PEX5L: variants seen among roughly 807,000 people sequenced by gnomAD.
PEX5L encodes peroxisomal biogenesis factor 5 like, also known as PEX5-related protein.
Under a neutral mutation model 84.0 loss-of-function variants are expected in PEX5L, and 30 were observed. That is an observed-to-expected ratio of 0.36 (90% CI 0.27 to 0.48). The LOEUF is 0.48. Ranked by LOEUF, PEX5L falls within the 20% of genes least tolerant of loss-of-function variation. PEX5L has a pLI of 0.99. For missense variants in PEX5L, 533 were observed against 754.6 expected (o/e 0.71, Z 3.44); for synonymous variants, 270 against 283.1 (o/e 0.95, Z 0.46).
chr3:179,951,986 T>C (rs2109973080), intron 2 of PEX5L, among the ~76,000 whole-genome samples: 1 of 152,388 alleles, frequency 6.6e-6, no homozygotes, highest in African/African-American at 2.4e-5. Flanking sequence ...TTATCAATGA[T>C]AAATTTGTGA....
chr3:179,989,804 G>A (rs1787215336), intron 1 of PEX5L, among the ~76,000 whole-genome samples: 1 of 152,126 alleles, frequency 6.6e-6, no homozygotes, highest in Non-Finnish European at 1.5e-5. Flanking sequence ...ATCAAGTTTG[G>A]CTGTTTCCAC....
chr3:179,913,829 T>C (rs1276247234), intron 2 of PEX5L, among the ~76,000 whole-genome samples: 1 of 152,190 alleles, frequency 6.6e-6, no homozygotes. Flanking sequence ...GACTCTTAAT[T>C]AGTACCATAG....
intron 2 of PEX5L, among the ~76,000 whole-genome samples, chr3:179,930,136 T>A (rs1393030305): frequency 6.6e-6 from 1 of 152,036 alleles, no homozygotes; most frequent in Admixed American, 6.6e-5. Flanking sequence ...GATGTGGGAG[T>A]CTAGCAATAT....
intron 1 of PEX5L, among the ~76,000 whole-genome samples, chr3:180,001,372 T>G (rs2110422829): frequency 6.7e-6 from 1 of 148,222 alleles, no homozygotes; most frequent in Non-Finnish European, 1.5e-5. Context: ...ATATAGAAGA[T>G]ATATATATAT....
chr3:179,971,472 G>A (rs1186754688), intron 2 of PEX5L, 122 bp downstream of exon 2: 3 of 1,289,876 alleles, frequency 2.3e-6, no homozygotes, highest in East Asian at 3.1e-5. Flanking sequence ...TCAAAATCTT[G>A]TTATGCAGGC....
chr3:179,990,682 C>A (rs771199405), intron 1 of PEX5L, among the ~76,000 whole-genome samples: 6 of 152,148 alleles, frequency 3.9e-5, no homozygotes, highest in Non-Finnish European at 8.8e-5. Flanking sequence ...GAGTTGCAGA[C>A]ATGAAACACT....
At chr3:179,842,589 C>T (rs1330840146) in intron 8 of PEX5L, among the ~76,000 whole-genome samples, 4 of 151,614 alleles carry the variant, frequency 2.6e-5, no homozygotes, top group African/African-American at 9.7e-5. Context: ...GAGCATCTAC[C>T]CAGAATATGC....
intron 1 of PEX5L, among the ~76,000 whole-genome samples, chr3:179,988,364 G>A (rs563277296): frequency 7.7e-4 from 117 of 151,142 alleles, no homozygotes; most frequent in Admixed American, 1.3e-3. Context: ...TCATGCCACT[G>A]GGCGACAGAG....
intron 2 of PEX5L, chr3:179,900,847 G>A (rs1488028667): frequency 8.7e-6 from 6 of 685,792 alleles, no homozygotes; most frequent in South Asian, 5.1e-5. Context: ...TTACAAGTGC[G>A]GTACAGTCTG....
chr3:179,827,553 A>G (rs1730999356), intron 8 of PEX5L, among the ~76,000 whole-genome samples: 1 of 152,150 alleles, frequency 6.6e-6, no homozygotes, highest in African/African-American at 2.4e-5. Context: ...GTTTTGGGCA[A>G]AACAAATATT....
intron 1 of PEX5L, among the ~76,000 whole-genome samples, chr3:180,001,000 G>T (rs761593098): frequency 1.3e-5 from 2 of 152,144 alleles, no homozygotes; most frequent in Non-Finnish European, 2.9e-5. Flanking sequence ...GTGTCTATGA[G>T]GGTGTTGCCA....
intron 2 of PEX5L, among the ~76,000 whole-genome samples, chr3:179,952,167 T>G (rs1262824533): frequency 6.6e-6 from 1 of 152,232 alleles, no homozygotes; most frequent in African/African-American, 2.4e-5. Context: ...AAAGGTAGCC[T>G]TGTTTAGCTG....
intron 8 of PEX5L, among the ~76,000 whole-genome samples, chr3:179,843,279 T>C (rs898217435): frequency 6.6e-6 from 1 of 152,176 alleles, no homozygotes; most frequent in Non-Finnish European, 1.5e-5. Flanking sequence ...GAAGATCTTT[T>C]CAGAATTCCA....
At chr3:180,034,107 T>G (rs892405521) in intron 1 of PEX5L, among the ~76,000 whole-genome samples, 2 of 152,252 alleles carry the variant, frequency 1.3e-5, no homozygotes, top group East Asian at 3.8e-4. Context: ...TAAATTAGAC[T>G]ATTTTTAAGT....
intron 7 of PEX5L, among the ~76,000 whole-genome samples, chr3:179,859,445 G>A (rs567188806): frequency 7.2e-5 from 11 of 152,236 alleles, no homozygotes; most frequent in East Asian, 3.9e-4. Context: ...AATTGGTCTC[G>A]ATTCCAGGCC....
chr3:179,968,869 T>C (rs1364109976), intron 2 of PEX5L, among the ~76,000 whole-genome samples: 1 of 152,118 alleles, frequency 6.6e-6, no homozygotes. Context: ...CACAACATTG[T>C]CTTTAAAGAA....
At position 179,955,045 on chromosome 3, in the gene PEX5L, C is replaced by G. The variant is rs192331029; in HGVS notation, c.93+16549G>C. Among the ~76,000 whole-genome samples, 313 of 152,156 alleles carry G rather than the reference C, an allele frequency of 2.1e-3. 2 individuals are homozygous for G. Among genetic ancestry groups the G allele is most frequent in the African/African-American group, 7.3e-3 (302 of 41,522 alleles). On this transcript the variant is annotated intron_variant, in intron 2 of 14. Transcript: ENST00000467460. ...TTCACCAAAATTTCTCTTCACTCCC[C>G]CTTTCCCTAACTCCTGTCCTATAAT...
chr3:179,856,767 C>T (rs563576034), intron 8 of PEX5L, among the ~76,000 whole-genome samples: 3 of 152,322 alleles, frequency 2.0e-5, no homozygotes, highest in African/African-American at 4.8e-5. Context: ...GGGAGGCTTC[C>T]CAGTACCAGG....
In PEX5L at chr3:179,896,936, C is replaced by CA. The variant is rs1759517326; in HGVS notation, c.198+1205dup. 2.0e-5 allele frequency among the ~76,000 whole-genome samples: 3 copies of CA among 151,912 alleles called. No homozygotes were observed. The South Asian group carries it at 6.2e-4, about 32-fold the overall frequency. On this transcript the variant is annotated intron_variant, in intron 3 of 14. Transcript: ENST00000467460. Reference sequence around the variant, plus strand: ...AAGCAAATTTCTTTCCAATGATTACCATGTGTTATTAGGAAGTAGCATCTC... The same window carrying CA: ...AAGCAAATTTCTTTCCAATGATTACCAATGTGTTATTAGGAAGTAGCATCTC...
Sources: gnomAD v4.1 joint callset for allele counts (sites outside exome capture counted in the v4.1 genomes callset) on GRCh38, gnomAD v4.1.1 for gene constraint, MANE v1.5 for transcripts, NCBI Gene and HGNC (gene_info 2026-07-23, HGNC 2026-07-21) for gene names.